The following MAF variants were observed in gnomAD, a reference collection of about 807,000 sequenced individuals.
MAF encodes transcription factor Maf.
Under a neutral mutation model 22.0 loss-of-function variants are expected in MAF, and 10 were observed. That is an observed-to-expected ratio of 0.45 (90% CI 0.28 to 0.77). MAF has a LOEUF of 0.77. MAF is among the 30% of genes least tolerant of loss of function. The pLI is 0.12. For missense variants in MAF, 544 were observed against 548.4 expected, an observed-to-expected ratio of 0.99 and a Z score of 0.08; for synonymous variants, 337 against 255.8, an observed-to-expected ratio of 1.32 and a Z score of -3.03.
the MAF span, among the ~76,000 whole-genome samples, chr16:79,362,199 T>C: frequency 3.7e-4 from 56 of 152,354 alleles, no homozygotes; most frequent in East Asian, 8.7e-3. Flanking sequence ...AAGGTAAGTA[T>C]GTAGACAAAT....
At position 79,599,677 on chromosome 16, in the gene MAF, G is replaced by A. The variant is rs1204992225; in HGVS notation, c.226C>T (p.Pro76Ser). 6.2e-7 allele frequency: 1 copy of A among 1,612,420 alleles called. No individual in the cohort carries two copies. The highest frequency in any genetic ancestry group is 8.5e-7 in the Non-Finnish European group (1 of 1,179,706). ...TGCTCGCTGCCCGAGCCCGGGCTGG[G>A]CGCCGAGAAGCTGGGGGAAGGGGGC... Reference protein sequence around the residue: ...SVPPSPSFSAPSPGSGSEQKA... With the variant: ...SVPPSPSFSASSPGSGSEQKA... The change falls in exon 1 of 2, where the codon CCC (proline) becomes TCC (serine). Residue 76 changes from proline (P) to serine (S), a missense_variant. Physicochemically the swap from Pro to Ser is moderately conservative, Grantham distance 74. Coordinates refer to ENST00000326043, the MANE Select transcript of MAF (RefSeq NM_005360.5).
chr16:79,538,734 G>A, the MAF span, among the ~76,000 whole-genome samples: 1 of 152,142 alleles, frequency 6.6e-6, no homozygotes, highest in East Asian at 1.9e-4. Context: ...GCTGAGGCAG[G>A]AGAATCACTT....
chr16:79,533,899 G>C, the MAF span, among the ~76,000 whole-genome samples: 1 of 152,148 alleles, frequency 6.6e-6, no homozygotes. Context: ...AGTGCACTAA[G>C]CAAGGTAGTG....
the MAF span, among the ~76,000 whole-genome samples, chr16:79,313,014 C>T: frequency 6.6e-6 from 1 of 152,144 alleles, no homozygotes; most frequent in Non-Finnish European, 1.5e-5. Flanking sequence ...GCATGGGCTT[C>T]AACTCAGAGA....
At chr16:79,400,447 G>A in the MAF span, among the ~76,000 whole-genome samples, 1 of 152,188 alleles carries the variant, frequency 6.6e-6, no homozygotes, top group African/African-American at 2.4e-5. Flanking sequence ...AGTAAACTAC[G>A]CCCTGTTGTG....
chr16:79,326,275 A>G, the MAF span, among the ~76,000 whole-genome samples: 4 of 152,200 alleles, frequency 2.6e-5, no homozygotes, highest in East Asian at 7.7e-4. Context: ...GCTTAAATGC[A>G]CTAAAATGTA....
chr16:79,347,264 G>A, the MAF span, among the ~76,000 whole-genome samples: 1 of 152,228 alleles, frequency 6.6e-6, no homozygotes, highest in Non-Finnish European at 1.5e-5. Flanking sequence ...GTGAGAGTGA[G>A]AGGTGTGCAG....
At chr16:79,278,798 C>G in the MAF span, among the ~76,000 whole-genome samples, 1 of 152,136 alleles carries the variant, frequency 6.6e-6, no homozygotes, top group Non-Finnish European at 1.5e-5. Context: ...TCCCTGCCTT[C>G]CTGCCTGCTG....
At chr16:79,494,078 T>A in the MAF span, among the ~76,000 whole-genome samples, 1 of 152,196 alleles carries the variant, frequency 6.6e-6, no homozygotes, top group African/African-American at 2.4e-5. Context: ...ATGTTTAGCC[T>A]AGCCAGGAAT....
At chr16:79,385,841 A>T in the MAF span, among the ~76,000 whole-genome samples, 1 of 152,190 alleles carries the variant, frequency 6.6e-6, no homozygotes, top group Non-Finnish European at 1.5e-5. Context: ...CAGAGGTTGG[A>T]GGTTGCAGTG....
At chr16:79,483,424 G>T in the MAF span, among the ~76,000 whole-genome samples, 2 of 150,800 alleles carry the variant, frequency 1.3e-5, no homozygotes, top group Admixed American at 6.6e-5. Context: ...AGATAGGAAG[G>T]GAAGTGAAGG....
At chr16:79,432,470 T>C in the MAF span, among the ~76,000 whole-genome samples, 14 of 152,190 alleles carry the variant, frequency 9.2e-5, no homozygotes, top group Admixed American at 2.6e-4. Context: ...ACATTAATTA[T>C]AAAATAGAAC....
chr16:79,348,709 G>C, the MAF span, among the ~76,000 whole-genome samples: 1 of 152,224 alleles, frequency 6.6e-6, no homozygotes, highest in East Asian at 1.9e-4. Context: ...GTCAGGGCGG[G>C]TTTCAGGGAT....
chr16:79,231,831 A>G, the MAF span, among the ~76,000 whole-genome samples: 1 of 152,102 alleles, frequency 6.6e-6, no homozygotes, highest in Non-Finnish European at 1.5e-5. Context: ...GTAATATATA[A>G]TGAAATAATT....
chr16:79,356,350 C>T, the MAF span, among the ~76,000 whole-genome samples: 2 of 152,172 alleles, frequency 1.3e-5, no homozygotes, highest in African/African-American at 4.8e-5. Context: ...ATCATCATCT[C>T]GGGTGTCATG....
At chr16:79,552,275 G>C in the MAF span, among the ~76,000 whole-genome samples, 2 of 151,768 alleles carry the variant, frequency 1.3e-5, no homozygotes, top group African/African-American at 4.8e-5. Flanking sequence ...GTGCAGTTCA[G>C]CAACCATGGC....
chr16:79,509,090 T>A, the MAF span, among the ~76,000 whole-genome samples: 1 of 152,248 alleles, frequency 6.6e-6, no homozygotes, highest in African/African-American at 2.4e-5. Context: ...TTTATATCTC[T>A]GTTTATCTCC....
chr16:79,347,388 T>C, the MAF span, among the ~76,000 whole-genome samples: 1 of 152,178 alleles, frequency 6.6e-6, no homozygotes, highest in South Asian at 2.1e-4. Context: ...GCCAGGAGTC[T>C]CGGTCATACC....
chr16:79,451,713 C>G, the MAF span, among the ~76,000 whole-genome samples: 1 of 152,108 alleles, frequency 6.6e-6, no homozygotes, highest in South Asian at 2.1e-4. Context: ...AAAAAATACC[C>G]AAACAACACA....
Sources: gnomAD v4.1 joint callset for allele counts (sites outside exome capture counted in the v4.1 genomes callset) on GRCh38, gnomAD v4.1.1 for gene constraint, MANE v1.5 for transcripts, NCBI Gene and HGNC (gene_info 2026-07-23, HGNC 2026-07-21) for gene names.